The following PCDH12 variants were observed in gnomAD, a reference collection of about 807,000 sequenced individuals.
The protein encoded by PCDH12 is protocadherin-12.
PCDH12 carries 45 observed loss-of-function variants against 70.9 expected under a neutral mutation model. That is an observed-to-expected ratio of 0.63 (90% confidence interval 0.50 to 0.81). The LOEUF (loss-of-function observed/expected upper bound fraction) is 0.81, where lower values mean the gene tolerates loss of function less well. Ranked by LOEUF, PCDH12 falls within the 40% of genes least tolerant of loss-of-function variation. The probability of loss-of-function intolerance (pLI) is 0.00; values close to 1 mark genes in which losing one functional copy is unlikely to be tolerated. For missense variants in PCDH12, 1,370 were observed against 1,491.7 expected (o/e 0.92, Z 1.34); for synonymous variants, 567 against 626.0 (o/e 0.91, Z 1.41).
Position 141,955,204 on chromosome 5 carries a change from G to A in PCDH12, c.2648C>T (p.Ala883Val), listed in dbSNP as rs200214038. 7.4e-6 allele frequency: 12 copies of A among 1,614,124 alleles called. No individual in the cohort carries two copies. The highest frequency in any genetic ancestry group is 9.3e-6 in the Non-Finnish European group (11 of 1,180,044). ...GQPRSRPLKVAGSPTGRLAGD... is the reference protein window; with the variant it reads ...GQPRSRPLKVVGSPTGRLAGD... The stretch of plus-strand genomic sequence containing the variant: ...AGCCAGCCTCCCTGTGGGGCTGCCT[G>A]CAACCTTCAGAGGCCTGGAACGTGG... Residue 883 changes from alanine (A) to valine (V), a missense_variant, in exon 1 of 4, where the codon GCA becomes GTA. Ala to Val is a moderately conservative substitution (Grantham distance 64). Transcript: ENST00000231484. This position sits in a 1 kb window ranked among gnomAD's most constrained non-coding sequence, Gnocchi z 5.5.
intron 1 of PCDH12, 103 bp downstream of exon 1, chr5:141,954,869 C>T: frequency 7.0e-7 from 1 of 1,426,790 alleles, no homozygotes; most frequent in South Asian, 1.4e-5. Flanking sequence ...GCCAGGTGAG[C>T]CTAAGGAAGA....
intron 1 of PCDH12, 104 bp downstream of exon 1, chr5:141,954,868 G>A: frequency 7.1e-7 from 1 of 1,417,332 alleles, no homozygotes; most frequent in Admixed American, 2.2e-5. Context: ...TGCCAGGTGA[G>A]CCTAAGGAAG....
intron 2 of PCDH12, among the ~76,000 whole-genome samples, 157 bp from the exon 3 acceptor site, chr5:141,949,740 C>T (rs1280277083): frequency 6.6e-6 from 1 of 152,168 alleles, no homozygotes; most frequent in Non-Finnish European, 1.5e-5. Context: ...GATTCCCGCC[C>T]TCCTCTTACT....
In PCDH12 at chr5:141,957,184, G is replaced by A; in HGVS notation, c.668C>T (p.Pro223Leu). Reference sequence around the variant, plus strand: ...CTTGACCAAGCTGGTACCTGACTTGGGGGGGTTCCCATTGTCATAGGCAGT... The same window carrying A: ...CTTGACCAAGCTGGTACCTGACTTGAGGGGGTTCCCATTGTCATAGGCAGT... ...VLTAYDNGNPPKSGTSLVKVN... is the reference protein window; with the variant it reads ...VLTAYDNGNPLKSGTSLVKVN... Residue 223 changes from proline to leucine, a missense_variant, in exon 1 of 4, where the codon CCC (proline) becomes CTC (leucine). Transcript: ENST00000231484. This position sits in a 1 kb window ranked among gnomAD's most constrained non-coding sequence, Gnocchi z 4.3. 1.2e-6 allele frequency: 2 copies of A among 1,614,180 alleles called. No individual in the cohort carries two copies. Among genetic ancestry groups the A allele is most frequent in the Non-Finnish European group, 1.7e-6 (2 of 1,180,022 alleles).
At chr5:141,950,085 T>C (rs1753047937) in intron 2 of PCDH12, among the ~76,000 whole-genome samples, 1 of 152,176 alleles carries the variant, frequency 6.6e-6, no homozygotes, top group South Asian at 2.1e-4. Context: ...CAGTGGGTGC[T>C]GAATGAGTGA....
In PCDH12 at chr5:141,957,276, T is replaced by C; in HGVS notation, c.576A>G (p.Lys192=). 6.2e-7 allele frequency: 1 copy of C among 1,613,864 alleles called. No individual in the cohort carries two copies. The highest frequency in any genetic ancestry group is 1.1e-5 in the South Asian group (1 of 91,026). Reference sequence around the variant, plus strand: ...CCTTCACCACTATGAGTTCTGCATGTTTGGTCTCATCAGGGCCCACAATGA... The same window carrying C: ...CCTTCACCACTATGAGTTCTGCATGCTTGGTCTCATCAGGGCCCACAATGA... ...LDVIVGPDET[K]HAELIVVKEL... Residue 192 remains lysine (K), a synonymous_variant, in exon 1 of 4, where the codon AAA becomes AAG. Coordinates refer to ENST00000231484, the MANE Select transcript of PCDH12 (RefSeq NM_016580.4). This position sits in a 1 kb window ranked among gnomAD's most constrained non-coding sequence, Gnocchi z 4.3.
chr5:141,957,796 A>T lies in PCDH12; in HGVS notation c.56T>A (p.Phe19Tyr). The T allele has an allele frequency of 1.2e-6, 2 of 1,605,410 alleles. No individual in the cohort carries two copies. Among genetic ancestry groups the T allele is most frequent in the Non-Finnish European group, 1.7e-6 (2 of 1,179,936 alleles). Residue 19 changes from phenylalanine (F) to tyrosine (Y), a missense_variant, in exon 1 of 4, where the codon TTT becomes TAT. By Grantham distance (22) the Phe-to-Tyr change is conservative (BLOSUM62 3). Coordinates refer to ENST00000231484, the MANE Select transcript of PCDH12 (RefSeq NM_016580.4). This position sits in a 1 kb window ranked among gnomAD's most constrained non-coding sequence, Gnocchi z 4.3. ...CACCTCCTGACAATCCCCTAAAAGAAATAAGTAGCCACCTGGCCCCAAAAG... is the reference window on the plus strand; with the variant it reads ...CACCTCCTGACAATCCCCTAAAAGATATAAGTAGCCACCTGGCCCCAAAAG... Reference protein sequence around the residue: ...LGLLGPGGYLFLLGDCQEVTT... With the variant: ...LGLLGPGGYLYLLGDCQEVTT...
At chr5:141,951,724 G>A in intron 1 of PCDH12, 134 bp from the exon 2 acceptor site, 1 of 698,590 alleles carries the variant, frequency 1.4e-6, no homozygotes, top group Non-Finnish European at 2.5e-6. Context: ...GTGATCAGAT[G>A]GGGGATGGTG....
chr5:141,947,274 T>A (rs1752960409), intron 3 of PCDH12, among the ~76,000 whole-genome samples: 1 of 152,246 alleles, frequency 6.6e-6, no homozygotes, highest in Admixed American at 6.5e-5. Context: ...TGTTGAATGA[T>A]TGAATGAACA....
chr5:141,957,983 C>A lies in PCDH12; in HGVS notation c.-132G>T. ...CCAGAGCTGCCGGCACAACCTTGTC[C>A]CATAGTTAGATGATTATGAAACAAG... On this transcript the variant is annotated 5_prime_UTR_variant, in exon 1 of 4. It introduces an in-frame stop codon into an upstream open reading frame of the 5' UTR. Transcript: ENST00000231484. This position sits in a 1 kb window ranked among gnomAD's most constrained non-coding sequence, Gnocchi z 4.3. The A allele has an allele frequency of 2.9e-6, 3 of 1,029,472 alleles. No homozygotes were observed. Among genetic ancestry groups the A allele is most frequent in the Middle Eastern group, 5.8e-4 (2 of 3,422 alleles). The allele number at this position is 1,029,472 out of a possible 1,614,324, so 63.8% of individuals were successfully genotyped here. A position where few individuals can be genotyped will look rare whatever the true frequency, so the allele number is the denominator to read the frequency against.
intron 2 of PCDH12, among the ~76,000 whole-genome samples, chr5:141,950,496 C>T (rs1561534208): frequency 6.6e-6 from 1 of 152,162 alleles, no homozygotes; most frequent in Non-Finnish European, 1.5e-5. Context: ...TTCAAACCTT[C>T]CACACCTGTA....
At chr5:141,953,211 T>C (rs941475908) in intron 1 of PCDH12, 1 of 152,278 alleles carries the variant, frequency 6.6e-6, no homozygotes, top group African/African-American at 2.4e-5. Flanking sequence ...AATATGTCCC[T>C]GCCCCAGTTC....
chr5:141,948,790 ATAAT>A (rs969569571), intron 3 of PCDH12, among the ~76,000 whole-genome samples: 3 of 152,156 alleles, frequency 2.0e-5, no homozygotes, highest in African/African-American at 7.2e-5. Flanking sequence ...ATTCGAGGTA[ATAAT>A]TATCTACTTG....
In PCDH12 at chr5:141,945,248, G is replaced by C. The variant is rs1273142098; in HGVS notation, c.*133C>G. 2.7e-6 allele frequency: 3 copies of C among 1,098,184 alleles called. No individual in the cohort carries two copies. Among genetic ancestry groups the C allele is most frequent in the Non-Finnish European group, 3.9e-6 (3 of 764,862 alleles). The allele number at this position is 1,098,184 out of a possible 1,614,324, so 68.0% of individuals were successfully genotyped here. The stretch of plus-strand genomic sequence containing the variant: ...TAGTCCTGGGGCTCTTGCCTCCTCT[G>C]TGGGGGTAGCATCAGTCACCCTAAA... On this transcript the variant is annotated 3_prime_UTR_variant, in exon 4 of 4. Coordinates refer to ENST00000231484, the MANE Select transcript of PCDH12 (RefSeq NM_016580.4).
In PCDH12 at chr5:141,956,186, A is replaced by T; in HGVS notation, c.1666T>A (p.Leu556Met). The change falls in exon 1 of 4, where the codon TTG becomes ATG. Residue 556 changes from leucine to methionine, a missense_variant. Physicochemically the swap from Leu to Met is conservative, Grantham distance 15. Transcript: ENST00000231484. ...ASSVSVWVSL[L>M]DANDNAPEVV... Reference sequence around the variant, plus strand: ...TCTGGGGCATTATCATTGGCATCCAAGAGGCTGACCCACACAGAGACACTG... The same window carrying T: ...TCTGGGGCATTATCATTGGCATCCATGAGGCTGACCCACACAGAGACACTG... 6.2e-7 allele frequency: 1 copy of T among 1,614,180 alleles called. No homozygotes were observed. The highest frequency in any genetic ancestry group is 8.5e-7 in the Non-Finnish European group (1 of 1,180,026).
In PCDH12 at chr5:141,956,726, C is replaced by G. The variant is rs1344025293; in HGVS notation, c.1126G>C (p.Val376Leu). The G allele has an allele frequency of 1.2e-5, 20 of 1,614,146 alleles. No individual in the cohort carries two copies. The African/African-American group carries it at 2.7e-4, about 22-fold the overall frequency. ...CCTGAATCCAAGTCATCTGCCATGACAAGAGCAATAAAACTGTCCTTGGGA... is the reference window on the plus strand; with the variant it reads ...CCTGAATCCAAGTCATCTGCCATGAGAAGAGCAATAAAACTGTCCTTGGGA... ...ALPKDSFIAL[V>L]MADDLDSGHN... Residue 376 changes from valine (V) to leucine (L), a missense_variant, in exon 1 of 4, where the codon GTC (valine) becomes CTC (leucine). Val to Leu is a conservative substitution (Grantham distance 32). Transcript: ENST00000231484.
intron 3 of PCDH12, 79 bp from the exon 4 acceptor site, chr5:141,945,884 G>T: frequency 1.5e-6 from 2 of 1,329,200 alleles, no homozygotes; most frequent in African/African-American, 1.4e-5. Context: ...AATGAGCAGG[G>T]CAAGGGCAGT....
chr5:141,955,950 G>T lies in PCDH12; in HGVS notation c.1902C>A (p.Pro634=). 1.2e-6 allele frequency: 2 copies of T among 1,614,196 alleles called. No individual in the cohort carries two copies. The highest frequency in any genetic ancestry group is 2.2e-5 in the South Asian group (2 of 91,082). The change falls in exon 1 of 4, where the codon CCC becomes CCA. Residue 634 remains proline (P), a synonymous_variant. Transcript: ENST00000231484. This position sits in a 1 kb window ranked among gnomAD's most constrained non-coding sequence, Gnocchi z 5.5. ...CATTTCCACTGCGGATGCTGTAGAG[G>T]GGCTCTCCATTTGCCCCCGAGTCTG... is the stretch of plus-strand genomic sequence containing the variant. The part of the protein sequence containing the change: ...RDADSGANGE[P]LYSIRSGNEA...
At chr5:141,947,839 C>A (rs1752978047) in intron 3 of PCDH12, among the ~76,000 whole-genome samples, 1 of 152,126 alleles carries the variant, frequency 6.6e-6, no homozygotes, top group African/African-American at 2.4e-5. Context: ...TTCTGCCCCT[C>A]CTCTTTCCTT....
Sources: gnomAD v4.1 joint callset for allele counts (sites outside exome capture counted in the v4.1 genomes callset) on GRCh38, gnomAD v4.1.1 for gene constraint, Gnocchi (gnomAD v3.1) non-coding constraint, MANE v1.5 for transcripts, NCBI Gene and HGNC (gene_info 2026-07-23, HGNC 2026-07-21) for gene names.